RBPJ: variants seen among roughly 807,000 people sequenced by gnomAD.
RBPJ encodes recombining binding protein suppressor of hairless.
RBPJ carries 9 observed loss-of-function variants against 67.8 expected under a neutral mutation model. The ratio of observed to expected loss-of-function variants is 0.13; its 90% CI spans 0.08 to 0.23. RBPJ has a LOEUF of 0.23. RBPJ is among the 10% of genes least tolerant of loss of function. The pLI is 1.00. For missense variants in RBPJ, 305 were observed against 595.6 expected (o/e 0.51, Z 5.08); for synonymous variants, 198 against 203.3 (o/e 0.97, Z 0.22).
rs139294529 is a variant in RBPJ, at chr4:26,228,607, G to C, written c.-167+64993G>C. The stretch of plus-strand genomic sequence containing the variant: ...TTCTATAACATCTTCCAAAAAACAA[G>C]ATAGGAAAAACACCACCCAAGAACA... On this transcript the variant is annotated intron_variant, in intron 1 of 4. Transcript: ENST00000512351. Among the ~76,000 whole-genome samples the C allele has an allele frequency of 5.1e-3, 784 of 152,280 alleles. 8 individuals carry two copies. The highest frequency in any genetic ancestry group is 0.018 in the African/African-American group (758 of 41,558).
the RBPJ span, among the ~76,000 whole-genome samples, chr4:26,131,268 T>C: frequency 4.6e-5 from 7 of 152,214 alleles, no homozygotes; most frequent in Admixed American, 1.3e-4. Flanking sequence ...GTTGCCATGT[T>C]TTTCAAACTG....
At chr4:26,190,123 A>G (rs1004394605) in intron 1 of RBPJ, among the ~76,000 whole-genome samples, 6 of 152,242 alleles carry the variant, frequency 3.9e-5, no homozygotes, top group Non-Finnish European at 7.3e-5. Context: ...AGAAAGAATC[A>G]CTTGCTCTCA....
At chr4:26,381,562 G>A (rs970666933) in intron 1 of RBPJ, among the ~76,000 whole-genome samples, 1 of 152,144 alleles carries the variant, frequency 6.6e-6, no homozygotes, top group East Asian at 1.9e-4. Flanking sequence ...TGAAATTAAA[G>A]TAAAATGAAT....
At position 26,346,940 on chromosome 4, in the gene RBPJ, C is replaced by T. The variant is rs181601271; in HGVS notation, c.20+25892C>T. Among the ~76,000 whole-genome samples, 246 of 151,472 alleles carry T rather than the reference C, an allele frequency of 1.6e-3. 1 individual carries two copies. The highest frequency in any genetic ancestry group is 5.7e-3 in the African/African-American group (234 of 41,208). On this transcript the variant is annotated intron_variant, in intron 1 of 10. Coordinates refer to ENST00000355476, the MANE Select transcript of RBPJ (RefSeq NM_015874.6). The stretch of plus-strand genomic sequence containing the variant: ...CCGGGAGGCGGAGGTTGCAGTGAGC[C>T]GAGATTGCGCCACTGCACTCCAGTC...
chr4:26,335,646 G>A (rs1338290288), intron 1 of RBPJ, among the ~76,000 whole-genome samples: 8 of 134,506 alleles, frequency 5.9e-5, no homozygotes, highest in Non-Finnish European at 1.2e-4. Flanking sequence ...TTGAGCCGGA[G>A]TCTGGCTCTG....
chr4:26,272,883 A>G (rs982207858), intron 1 of RBPJ: 1 of 262,606 alleles, frequency 3.8e-6, no homozygotes, highest in Admixed American at 4.7e-5. Context: ...TGTGGTGTGA[A>G]ACAGGGAACT....
At chr4:26,196,441 G>A (rs767333095) in intron 1 of RBPJ, among the ~76,000 whole-genome samples, 1 of 152,204 alleles carries the variant, frequency 6.6e-6, no homozygotes, top group Non-Finnish European at 1.5e-5. Flanking sequence ...GAAAGGAGGA[G>A]CAGGTGTGAC....
rs763009793 is a variant in RBPJ at position 26,251,631 on chromosome 4, CAAAA to C, written c.-167+88035_-167+88038del. On this transcript the variant is annotated intron_variant, in intron 1 of 4. Coordinates refer to the RBPJ transcript ENST00000512351. ...TGAGCAACAGAGTAAGACTCTTTCT[CAAAA>C]AAAAAAAAAAAAAAAAATCCTGGCT... 9.0e-3 allele frequency among the ~76,000 whole-genome samples: 899 copies of C among 99,688 alleles called. 7 individuals carry two copies. Among genetic ancestry groups the C allele is most frequent in the African/African-American group, 0.025 (712 of 27,968 alleles). The allele number at this position is 99,688 out of a possible 152,430, so 65.4% of individuals were successfully genotyped here.
At chr4:26,255,133 G>A (rs142259646) in intron 1 of RBPJ, among the ~76,000 whole-genome samples, 42,972 of 145,562 alleles carry the variant, frequency 0.3, 6,685 homozygotes, top group African/African-American at 0.4. Flanking sequence ...GGCCGGGCGT[G>A]GTGGCTCACG....
At chr4:26,270,135 A>G (rs1284633500) in intron 1 of RBPJ, among the ~76,000 whole-genome samples, 1 of 151,174 alleles carries the variant, frequency 6.6e-6, no homozygotes, top group Non-Finnish European at 1.5e-5. Context: ...TACAAAGCTT[A>G]CCCAGGTGTG....
At chr4:26,195,838 C>A (rs1455986403) in intron 1 of RBPJ, among the ~76,000 whole-genome samples, 2 of 152,196 alleles carry the variant, frequency 1.3e-5, no homozygotes, top group African/African-American at 4.8e-5. Context: ...TTGTGATCTG[C>A]CTGCCTCGGC....
At chr4:26,272,191 A>G (rs945685325) in intron 1 of RBPJ, among the ~76,000 whole-genome samples, 3 of 152,238 alleles carry the variant, frequency 2.0e-5, no homozygotes, top group African/African-American at 4.8e-5. Context: ...ACCTAGATAT[A>G]TGCAGGAAAG....
Position 26,257,709 on chromosome 4 carries a change from CTTCTT to C in RBPJ, c.-167+94099_-167+94103del, listed in dbSNP as rs557555642. ...TGCTACATCACCTACTCATTTGTCT[CTTCTT>C]TTCCATCACCAAAATGTTAAAAGAA... On this transcript the variant is annotated intron_variant, in intron 1 of 4. Coordinates refer to the RBPJ transcript ENST00000512351. 7.9e-4 allele frequency among the ~76,000 whole-genome samples: 121 copies of C among 152,336 alleles called. 1 individual carries two copies. The highest frequency in any genetic ancestry group is 2.8e-3 in the African/African-American group (118 of 41,580).
chr4:26,327,951 A>T (rs191757449), intron 1 of RBPJ, among the ~76,000 whole-genome samples: 44 of 152,298 alleles, frequency 2.9e-4, no homozygotes, highest in South Asian at 1.7e-3. Context: ...TAGTTTTTTT[A>T]AAATAATGTG....
At chr4:26,186,263 C>A (rs1411720731) in intron 1 of RBPJ, among the ~76,000 whole-genome samples, 1 of 149,944 alleles carries the variant, frequency 6.7e-6, no homozygotes, top group Non-Finnish European at 1.5e-5. Context: ...AGCTGTGTGA[C>A]CTTTAGCATG....
Position 26,430,910 on chromosome 4 carries a change from C to A in RBPJ, c.1367C>A (p.Pro456His). 1 of 1,613,972 alleles carries A rather than the reference C, an allele frequency of 6.2e-7. No homozygotes were observed. Among genetic ancestry groups the A allele is most frequent in the Non-Finnish European group, 8.5e-7 (1 of 1,179,956 alleles). Residue 456 changes from proline to histidine, a missense_variant, in exon 11 of 11, where the codon CCC (proline) becomes CAC (histidine). By Grantham distance (77) the Pro-to-His change is moderately conservative. Coordinates refer to ENST00000355476, the MANE Select transcript of RBPJ (RefSeq NM_015874.6). The surrounding 1 kb of genome is among the most constrained non-coding windows in gnomAD (Gnocchi z 4.1). ...AILRANSSQV[P>H]PNESNTNSEG... ...CTTCGAGCCAATTCAAGCCAGGTGC[C>A]CCCTAACGAATCAAACACAAACAGC... is the stretch of plus-strand genomic sequence containing the variant.
At chr4:26,397,826 G>C (rs1284456186) in intron 2 of RBPJ, among the ~76,000 whole-genome samples, 2 of 152,154 alleles carry the variant, frequency 1.3e-5, no homozygotes, top group Non-Finnish European at 2.9e-5. Flanking sequence ...GTAGAGACAG[G>C]GTTTCACTGT....
the RBPJ span, among the ~76,000 whole-genome samples, chr4:26,141,079 C>T: frequency 6.6e-6 from 1 of 152,154 alleles, no homozygotes; most frequent in Non-Finnish European, 1.5e-5. Flanking sequence ...CAGGGCAACT[C>T]CCTTTACTAT....
At chr4:26,282,999 C>T (rs1170388016) in intron 1 of RBPJ, among the ~76,000 whole-genome samples, 7 of 129,620 alleles carry the variant, frequency 5.4e-5, no homozygotes, top group Non-Finnish European at 7.8e-5. Flanking sequence ...GGCACAATCT[C>T]GGCTCACTGC....
Sources: allele counts gnomAD v4.1 joint callset (sites outside exome capture counted in the v4.1 genomes callset), GRCh38; gene constraint gnomAD v4.1.1; non-coding constraint Gnocchi (gnomAD v3.1); transcripts MANE v1.5; gene names NCBI Gene and HGNC (gene_info 2026-07-23, HGNC 2026-07-21).